The following FRMPD4 variants were observed in gnomAD, a reference collection of about 807,000 sequenced individuals.
The protein encoded by FRMPD4 is FERM and PDZ domain containing 4.
Under a neutral mutation model 94.1 loss-of-function variants are expected in FRMPD4, and 22 were observed. That is an observed-to-expected ratio of 0.23 (90% CI 0.17 to 0.33). The LOEUF (loss-of-function observed/expected upper bound fraction) is 0.33, where lower values mean the gene tolerates loss of function less well. Ranked by LOEUF, FRMPD4 falls within the 10% of genes least tolerant of loss-of-function variation. The pLI is 1.00. For missense variants in FRMPD4, 1,111 were observed against 1,339.9 expected (o/e 0.83, Z 2.67); for synonymous variants, 631 against 548.6 (o/e 1.15, Z -2.10).
chrX:12,447,670 G>A (rs1048828597), intron 1 of FRMPD4, among the ~76,000 whole-genome samples: 2 of 111,648 alleles, frequency 1.8e-5, no homozygotes, highest in Non-Finnish European at 3.8e-5. Flanking sequence ...GCCTACCTAC[G>A]TCATGGATCC....
At chrX:11,927,458 G>T (rs1443289042) in intron 3 of FRMPD4, among the ~76,000 whole-genome samples, 1 of 111,719 alleles carries the variant, frequency 9.0e-6, no homozygotes, top group Non-Finnish European at 1.9e-5. Flanking sequence ...TAAGCAAAAA[G>T]AACAAAGCTG....
chrX:12,681,279 G>A (rs1200561104), intron 5 of FRMPD4, among the ~76,000 whole-genome samples: 8 of 112,019 alleles, frequency 7.1e-5, no homozygotes, highest in African/African-American at 1.3e-4. Flanking sequence ...CATTACGGGA[G>A]AATAATGTTT....
chrX:12,505,749 A>AGG (rs869162220), intron 2 of FRMPD4, among the ~76,000 whole-genome samples: 10 of 78,799 alleles, frequency 1.3e-4, no homozygotes, highest in African/African-American at 3.2e-4. Flanking sequence ...AAAAAAAAAA[A>AGG]GGGGGGGAGA....
intron 3 of FRMPD4, among the ~76,000 whole-genome samples, chrX:11,951,808 T>C (rs2054225674): frequency 8.9e-6 from 1 of 111,749 alleles, no homozygotes; most frequent in African/African-American, 3.3e-5. Flanking sequence ...CTGAGGCTGG[T>C]AGATTGCTTG....
At chrX:12,032,262 G>A (rs1248215720) in intron 3 of FRMPD4, among the ~76,000 whole-genome samples, 2 of 111,628 alleles carry the variant, frequency 1.8e-5, no homozygotes, top group East Asian at 2.8e-4. Context: ...AGGTGGAAGA[G>A]CTCCAGCTTT....
intron 3 of FRMPD4, among the ~76,000 whole-genome samples, chrX:12,119,178 G>A (rs1425392311): frequency 9.0e-6 from 1 of 111,303 alleles, no homozygotes; most frequent in East Asian, 2.8e-4. Context: ...TCTTTCAAGG[G>A]GTTTTACAGT....
intron 4 of FRMPD4, among the ~76,000 whole-genome samples, chrX:12,650,462 C>G (rs967341011): frequency 1.8e-5 from 2 of 111,958 alleles, no homozygotes; most frequent in Admixed American, 1.9e-4. Flanking sequence ...TGTCAAATAT[C>G]TGTTTAATGA....
intron 1 of FRMPD4, among the ~76,000 whole-genome samples, chrX:12,265,056 A>G (rs1343883128): frequency 8.9e-6 from 1 of 112,161 alleles, no homozygotes; most frequent in African/African-American, 3.2e-5. Context: ...TAATGTAAAA[A>G]CAAGAGTTAC....
At chrX:12,250,072 TTGTGTGTGTGTG>T (rs72178576) in intron 1 of FRMPD4, among the ~76,000 whole-genome samples, 7 of 91,453 alleles carry the variant, frequency 7.7e-5, no homozygotes, top group Middle Eastern at 5.2e-3. Context: ...GTTTGTGTGT[TTGTGTGTGTGTG>T]TGTGTGTGTG....
At chrX:12,071,679 A>T (rs967235812) in intron 3 of FRMPD4, among the ~76,000 whole-genome samples, 1 of 111,293 alleles carries the variant, frequency 9.0e-6, no homozygotes, top group East Asian at 2.8e-4. Context: ...TCTCCTTGTT[A>T]TTGAAGGCAA....
chrX:12,531,025 C>A (rs1472177079), intron 2 of FRMPD4, among the ~76,000 whole-genome samples: 4 of 111,565 alleles, frequency 3.6e-5, no homozygotes, highest in Non-Finnish European at 7.5e-5. Flanking sequence ...TAATAAGAAT[C>A]TCAGATGGCT....
At chrX:12,242,601 C>G (rs1318645139) in intron 1 of FRMPD4, among the ~76,000 whole-genome samples, 3 of 112,365 alleles carry the variant, frequency 2.7e-5, no homozygotes, top group Non-Finnish European at 5.6e-5. Flanking sequence ...TGCTACTGTG[C>G]AATGTTAAGT....
At chrX:11,903,473 A>G (rs2053949512) in intron 3 of FRMPD4, among the ~76,000 whole-genome samples, 1 of 104,315 alleles carries the variant, frequency 9.6e-6, no homozygotes, top group South Asian at 4.3e-4. Flanking sequence ...ATAAAAACAC[A>G]TCCTTGATTC....
At chrX:11,867,258 G>A (rs921687693) in intron 2 of FRMPD4, among the ~76,000 whole-genome samples, 13 of 111,628 alleles carry the variant, frequency 1.2e-4, no homozygotes, top group Admixed American at 3.8e-4. Context: ...CTTTTGAAGG[G>A]CTTATAGTAG....
At chrX:12,564,727 A>T (rs1029229564) in intron 2 of FRMPD4, among the ~76,000 whole-genome samples, 8 of 111,257 alleles carry the variant, frequency 7.2e-5, no homozygotes, top group Non-Finnish European at 1.5e-4. Flanking sequence ...CAACAAAAGG[A>T]AGCAGAGATC....
chrX:12,281,700 C>A (rs2054529325), intron 1 of FRMPD4, among the ~76,000 whole-genome samples: 1 of 111,825 alleles, frequency 8.9e-6, no homozygotes, highest in Non-Finnish European at 1.9e-5. Context: ...TATTTTCCAG[C>A]CTAGCAAACT....
intron 1 of FRMPD4, among the ~76,000 whole-genome samples, chrX:12,423,843 G>C (rs1356445579): frequency 8.9e-6 from 1 of 111,749 alleles, no homozygotes; most frequent in Non-Finnish European, 1.9e-5. Flanking sequence ...GCCCAATAAA[G>C]CTTTCTGTGC....
At chrX:12,605,240 T>G in intron 2 of FRMPD4, among the ~76,000 whole-genome samples, 1 of 112,052 alleles carries the variant, frequency 8.9e-6, no homozygotes, top group Non-Finnish European at 1.9e-5. Flanking sequence ...GACAAATGTC[T>G]CCCATAATGT....
At chrX:12,058,944 G>A (rs1211565005) in intron 3 of FRMPD4, among the ~76,000 whole-genome samples, 1 of 110,966 alleles carries the variant, frequency 9.0e-6, no homozygotes, top group African/African-American at 3.3e-5. Context: ...CAATAGTGTT[G>A]GGGTTTAGAA....
Sources: gnomAD v4.1 joint callset for allele counts (sites outside exome capture counted in the v4.1 genomes callset) on GRCh38, gnomAD v4.1.1 for gene constraint, MANE v1.5 for transcripts, NCBI Gene and HGNC (gene_info 2026-07-23, HGNC 2026-07-21) for gene names.